Variants in CELF4 observed in about 807,000 individuals in gnomAD.
CELF4 encodes CUG-BP- and ETR-3-like factor 4.
Under a neutral mutation model 59.9 loss-of-function variants are expected in CELF4, and 18 were observed. That is an observed-to-expected ratio of 0.30 (90% confidence interval 0.21 to 0.45). The LOEUF is 0.45. CELF4 is among the 20% of genes least tolerant of loss of function. The pLI, the probability that CELF4 is intolerant of heterozygous loss-of-function variation, is 1.00. For missense variants in CELF4, 456 were observed against 689.0 expected, an observed-to-expected ratio of 0.66 and a Z score of 3.79; for synonymous variants, 261 against 267.1, an observed-to-expected ratio of 0.98 and a Z score of 0.22.
At chr18:37,444,377 C>T (rs1401138573) in intron 2 of CELF4, among the ~76,000 whole-genome samples, 1 of 152,060 alleles carries the variant, frequency 6.6e-6, no homozygotes, top group African/African-American at 2.4e-5. Flanking sequence ...TGTCTGGACG[C>T]TTTGACGAAC....
intron 2 of CELF4, among the ~76,000 whole-genome samples, chr18:37,427,712 A>G (rs896588008): frequency 2.0e-5 from 3 of 152,202 alleles, no homozygotes; most frequent in Non-Finnish European, 4.4e-5. Context: ...TACTAGCTCC[A>G]GCTGCCATCT....
At chr18:37,414,999 T>C (rs2099515943) in intron 2 of CELF4, among the ~76,000 whole-genome samples, 1 of 152,234 alleles carries the variant, frequency 6.6e-6, no homozygotes, top group African/African-American at 2.4e-5. Context: ...CTTCCATTCT[T>C]GAGATGCTTG....
At chr18:37,320,880 G>C (rs2097091881) in intron 3 of CELF4, among the ~76,000 whole-genome samples, 1 of 152,200 alleles carries the variant, frequency 6.6e-6, no homozygotes, top group Admixed American at 6.5e-5. Context: ...AGGTGTGATG[G>C]GCTCTGTATC....
intron 2 of CELF4, among the ~76,000 whole-genome samples, chr18:37,409,639 G>T (rs1257577954): frequency 6.6e-6 from 1 of 152,106 alleles, no homozygotes; most frequent in Non-Finnish European, 1.5e-5. Flanking sequence ...CCAGAGTGAG[G>T]GAGACCCTGG....
chr18:37,282,223 GGA>G (rs1243575457), intron 3 of CELF4, among the ~76,000 whole-genome samples: 1 of 152,024 alleles, frequency 6.6e-6, no homozygotes, highest in Non-Finnish European at 1.5e-5. Flanking sequence ...CCCACCCCTG[GGA>G]GTGTAGAGAG....
chr18:37,250,896 T>C lies in CELF4; in HGVS notation c.*44+2871A>G, dbSNP rs377675307. On this transcript the variant is annotated intron_variant, in intron 12 of 12. Coordinates refer to ENST00000420428, the MANE Select transcript of CELF4 (RefSeq NM_020180.4). ...TTACTGTAGGAGTTATGTGACATAG[T>C]AGTTTTTTAAAGGACTGCTTAGTAG... 5.3e-5 allele frequency among the ~76,000 whole-genome samples: 8 copies of C among 152,282 alleles called. No homozygotes were observed. In the South Asian group the frequency reaches 1.5e-3, roughly 28 times the overall value.
chr18:37,546,409 G>A (rs2099981438), intron 1 of CELF4, among the ~76,000 whole-genome samples: 1 of 146,070 alleles, frequency 6.8e-6, no homozygotes, highest in African/African-American at 2.7e-5. Context: ...CACACACACA[G>A]TTCTCACTGC....
At chr18:37,435,323 C>T (rs1441920987) in intron 2 of CELF4, among the ~76,000 whole-genome samples, 3 of 152,282 alleles carry the variant, frequency 2.0e-5, no homozygotes, top group Admixed American at 2.0e-4. Context: ...GCAGCCCATT[C>T]CCCAGCCTGT....
intron 10 of CELF4, among the ~76,000 whole-genome samples, chr18:37,261,244 C>T (rs374193714): frequency 1.6e-4 from 24 of 151,932 alleles, no homozygotes. Flanking sequence ...TCCAGCCCCC[C>T]CCACACCTCC....
At position 37,285,797 on chromosome 18, in the gene CELF4, C is replaced by T. The variant is rs563655326; in HGVS notation, c.449-10554G>A. On this transcript the variant is annotated intron_variant, in intron 3 of 12. Transcript: ENST00000420428. The stretch of plus-strand genomic sequence containing the variant: ...AAGTCACCTTTTGCTGGGGTGGTGG[C>T]GCGCAGCCATCTCTCCAGGTAACTG... Among the ~76,000 whole-genome samples the T allele has an allele frequency of 5.3e-5, 8 of 152,228 alleles. No individual in the cohort carries two copies. In the East Asian group the frequency reaches 7.7e-4, roughly 15 times the overall value.
chr18:37,340,127 A>C (rs2097944595), intron 2 of CELF4, among the ~76,000 whole-genome samples: 1 of 152,194 alleles, frequency 6.6e-6, no homozygotes, highest in Non-Finnish European at 1.5e-5. Context: ...CCTGGGGGGC[A>C]CTGATAGGAA....
chr18:37,285,948 G>T (rs1420013447), intron 3 of CELF4, among the ~76,000 whole-genome samples: 2 of 152,200 alleles, frequency 1.3e-5, no homozygotes, highest in African/African-American at 4.8e-5. Flanking sequence ...CTGGCGTCTG[G>T]CACACTCTCC....
At chr18:37,544,602 C>T (rs753381121) in intron 1 of CELF4, among the ~76,000 whole-genome samples, 5 of 152,082 alleles carry the variant, frequency 3.3e-5, no homozygotes, top group East Asian at 3.9e-4. Flanking sequence ...TGTGCTTGTA[C>T]GTATGTATGT....
chr18:37,558,274 A>G (rs1235136625), intron 1 of CELF4, among the ~76,000 whole-genome samples: 1 of 151,170 alleles, frequency 6.6e-6, no homozygotes. Flanking sequence ...TGGGCTTTAT[A>G]CCCACCTAGG....
intron 2 of CELF4, among the ~76,000 whole-genome samples, chr18:37,362,852 C>T (rs1322053813): frequency 6.6e-6 from 1 of 152,190 alleles, no homozygotes; most frequent in Non-Finnish European, 1.5e-5. Flanking sequence ...CGTTTGCACA[C>T]CTCAGTTCAG....
intron 3 of CELF4, among the ~76,000 whole-genome samples, chr18:37,300,471 C>T (rs533300589): frequency 5.4e-4 from 82 of 152,252 alleles, no homozygotes; most frequent in East Asian, 2.5e-3. Context: ...GTGATCCTCC[C>T]GCCTCGGCCT....
chr18:37,311,620 T>C (rs2096651228), intron 3 of CELF4, among the ~76,000 whole-genome samples: 1 of 151,184 alleles, frequency 6.6e-6, no homozygotes, highest in African/African-American at 2.4e-5. Context: ...AAACCCCGTC[T>C]CTACTAAAAA....
chr18:37,501,188 G>A (rs1412874738), intron 1 of CELF4, among the ~76,000 whole-genome samples: 1 of 152,250 alleles, frequency 6.6e-6, no homozygotes, highest in African/African-American at 2.4e-5. Flanking sequence ...ACACTGGTTT[G>A]GAAGCTGCAC....
At chr18:37,555,933 C>A (rs939523493) in intron 1 of CELF4, among the ~76,000 whole-genome samples, 2 of 152,020 alleles carry the variant, frequency 1.3e-5, no homozygotes, top group Admixed American at 6.6e-5. Context: ...AGCGTGTTCA[C>A]GTGTATGTAA....
Sources: allele counts gnomAD v4.1 joint callset (sites outside exome capture counted in the v4.1 genomes callset), GRCh38; gene constraint gnomAD v4.1.1; transcripts MANE v1.5; gene names NCBI Gene and HGNC (gene_info 2026-07-23, HGNC 2026-07-21).